The following SLC6A6 variants were observed in gnomAD, a reference collection of about 807,000 sequenced individuals.
SLC6A6 encodes solute carrier family 6 member 6.
SLC6A6 carries 16 observed loss-of-function variants against 68.8 expected under a neutral mutation model. The ratio of observed to expected loss-of-function variants is 0.23; its 90% CI spans 0.16 to 0.35. The LOEUF (loss-of-function observed/expected upper bound fraction) is 0.35. SLC6A6 is among the 10% of genes least tolerant of loss of function. The pLI is 1.00. For synonymous variants in SLC6A6, 312 were observed against 315.4 expected, an observed-to-expected ratio of 0.99 and a Z score of 0.12; for missense variants, 474 against 802.8, an observed-to-expected ratio of 0.59 and a Z score of 4.95.
intron 1 of SLC6A6, among the ~76,000 whole-genome samples, chr3:14,414,521 C>CTT (rs1268657033): frequency 4.0e-5 from 6 of 148,992 alleles, no homozygotes; most frequent in Non-Finnish European, 9.0e-5. Context: ...TAGTGCTATT[C>CTT]TTTTTTTTTT....
At chr3:14,455,380 G>A (rs1485883725) in intron 5 of SLC6A6, among the ~76,000 whole-genome samples, 1 of 152,216 alleles carries the variant, frequency 6.6e-6, no homozygotes, top group Non-Finnish European at 1.5e-5. Flanking sequence ...CTGCAGGCTG[G>A]GTATGGTCAG....
intron 2 of SLC6A6, among the ~76,000 whole-genome samples, chr3:14,421,144 C>T (rs1175611686): frequency 9.2e-5 from 14 of 152,240 alleles, no homozygotes; most frequent in East Asian, 1.9e-4. Flanking sequence ...CTCCTGCCTT[C>T]GGGACTTTAG....
At chr3:14,438,363 G>A (rs1699907191) in intron 2 of SLC6A6, among the ~76,000 whole-genome samples, 1 of 152,126 alleles carries the variant, frequency 6.6e-6, no homozygotes, top group Non-Finnish European at 1.5e-5. Context: ...GCACAGAGAG[G>A]TTGTTACTTG....
chr3:14,428,238 C>T (rs2341969), intron 2 of SLC6A6, among the ~76,000 whole-genome samples: 3 of 151,988 alleles, frequency 2.0e-5, no homozygotes, highest in Non-Finnish European at 2.9e-5. Flanking sequence ...GGAGGCCCAG[C>T]TGTTAGGGTG....
chr3:14,445,300 A>G (rs998418406), intron 3 of SLC6A6, among the ~76,000 whole-genome samples: 3 of 152,126 alleles, frequency 2.0e-5, no homozygotes, highest in Non-Finnish European at 4.4e-5. Context: ...GGGCGCCTGT[A>G]GTCCCAGCTA....
intron 5 of SLC6A6, among the ~76,000 whole-genome samples, chr3:14,457,561 C>T (rs541994950): frequency 5.3e-5 from 8 of 152,136 alleles, no homozygotes; most frequent in Non-Finnish European, 8.8e-5. Context: ...CTGTCAGTGA[C>T]GGAACAAACA....
At chr3:14,484,090 T>A (rs906676889) in intron 14 of SLC6A6, among the ~76,000 whole-genome samples, 6 of 152,226 alleles carry the variant, frequency 3.9e-5, no homozygotes, top group Non-Finnish European at 7.3e-5. Context: ...ACTGCTGGCC[T>A]ATTCAAGTCT....
At chr3:14,414,901 T>C (rs1180354865) in intron 1 of SLC6A6, among the ~76,000 whole-genome samples, 1 of 152,212 alleles carries the variant, frequency 6.6e-6, no homozygotes, top group African/African-American at 2.4e-5. Context: ...TATGCAGAAT[T>C]ATGCTGTCCT....
chr3:14,408,048 G>T (rs750544779), intron 1 of SLC6A6, among the ~76,000 whole-genome samples: 4 of 151,920 alleles, frequency 2.6e-5, no homozygotes, highest in Non-Finnish European at 5.9e-5. Context: ...TTTCCAGCTG[G>T]GGGGCAGCTA....
chr3:14,437,994 ATTTTTTTTT>A (rs34038422), intron 2 of SLC6A6, among the ~76,000 whole-genome samples: 3 of 118,324 alleles, frequency 2.5e-5, no homozygotes, highest in Admixed American at 1.8e-4. Flanking sequence ...CATCTGGCTA[ATTTTTTTTT>A]TTTTTTTTTT....
intron 2 of SLC6A6, among the ~76,000 whole-genome samples, chr3:14,441,772 C>T (rs1699994615): frequency 6.6e-6 from 1 of 152,244 alleles, no homozygotes; most frequent in Non-Finnish European, 1.5e-5. Context: ...CTCGCCTGGT[C>T]ACAGGATTGG....
intron 14 of SLC6A6, among the ~76,000 whole-genome samples, chr3:14,484,060 TTTTG>T (rs778532196): frequency 3.9e-5 from 6 of 152,204 alleles, no homozygotes; most frequent in South Asian, 2.1e-4. Context: ...GGGCTTGTTG[TTTTG>T]TTTGTTTGTC....
Position 14,402,620 on chromosome 3 carries a change from C to T in SLC6A6, c.-281C>T, listed in dbSNP as rs1574897471. ...TGGGTGATGCTGAGAGCTGCCTGCT[C>T]AGACAACAGACACGCGAGGTCAGGA... On this transcript the variant is annotated 5_prime_UTR_variant, in exon 1 of 15. Coordinates refer to ENST00000622186, the MANE Select transcript of SLC6A6 (RefSeq NM_003043.6). This position sits in a 1 kb window ranked among gnomAD's most constrained non-coding sequence, Gnocchi z 4.8. 2.5e-6 allele frequency: 1 copy of T among 397,938 alleles called. No individual in the cohort carries two copies. Among genetic ancestry groups the T allele is most frequent in the Non-Finnish European group, 4.4e-6 (1 of 225,636 alleles). 24.7% of individuals were successfully genotyped at this position (397,938 alleles called of 1,614,324 possible).
At chr3:14,439,965 C>A (rs1440812686) in intron 2 of SLC6A6, among the ~76,000 whole-genome samples, 1 of 152,112 alleles carries the variant, frequency 6.6e-6, no homozygotes, top group Non-Finnish European at 1.5e-5. Context: ...CATCTCTGGG[C>A]CTTATTGATC....
Position 14,466,277 on chromosome 3 carries a change from A to AG in SLC6A6, c.733-239_733-238insG, listed in dbSNP as rs562755627. The stretch of plus-strand genomic sequence containing the variant: ...TCCGTCTCAAATTTAAAAAAAAAAA[A>AG]AAAAAAAAAAAGAAATCTGTGAGGT... On this transcript the variant is annotated intron_variant, in intron 6 of 14. Coordinates refer to ENST00000622186, the MANE Select transcript of SLC6A6 (RefSeq NM_003043.6). Among the ~76,000 whole-genome samples the AG allele has an allele frequency of 9.6e-4, 139 of 145,266 alleles. 4 individuals carry two copies. In the South Asian group the frequency reaches 0.027, roughly 28 times the overall value.
chr3:14,465,485 C>T (rs983867517), intron 6 of SLC6A6, among the ~76,000 whole-genome samples: 2 of 152,222 alleles, frequency 1.3e-5, no homozygotes, highest in African/African-American at 4.8e-5. Context: ...CAACAACAGG[C>T]CCTCTTTCTG....
chr3:14,452,434 C>T (rs1303652467), intron 5 of SLC6A6, among the ~76,000 whole-genome samples: 3 of 152,222 alleles, frequency 2.0e-5, no homozygotes, highest in African/African-American at 7.2e-5. Context: ...GTCACGTGCA[C>T]AGCTAGAAGG....
rs141205559 is a variant in SLC6A6, at chr3:14,439,311, A to G, written c.-11-4313A>G. Among the ~76,000 whole-genome samples, 173 of 152,380 alleles carry G rather than the reference A, an allele frequency of 1.1e-3. 2 individuals carry two copies. In the South Asian group the frequency reaches 0.017, roughly 15 times the overall value. ...TGTTGGAGAATAGGAAACTGTGTTC[A>G]TAAACAGCTCAGCCCCCAGAATAAG... is the stretch of plus-strand genomic sequence containing the variant. On this transcript the variant is annotated intron_variant, in intron 2 of 14. Coordinates refer to ENST00000622186, the MANE Select transcript of SLC6A6 (RefSeq NM_003043.6).
intron 1 of SLC6A6, among the ~76,000 whole-genome samples, chr3:14,406,856 C>G (rs1484322398): frequency 2.6e-5 from 4 of 152,160 alleles, no homozygotes; most frequent in Admixed American, 2.6e-4. Flanking sequence ...AATAAACCAC[C>G]TGAAACAAAA....
Sources: gnomAD v4.1 joint callset for allele counts (sites outside exome capture counted in the v4.1 genomes callset) on GRCh38, gnomAD v4.1.1 for gene constraint, Gnocchi (gnomAD v3.1) non-coding constraint, MANE v1.5 for transcripts, NCBI Gene and HGNC (gene_info 2026-07-23, HGNC 2026-07-21) for gene names.